The following ARHGEF38 variants were observed in gnomAD, a reference collection of about 807,000 sequenced individuals.
ARHGEF38 encodes the protein Rho guanine nucleotide exchange factor (GEF) 38.
In ARHGEF38, 79 loss-of-function variants were observed where a neutral mutation model predicts 79.9. The observed-to-expected ratio is 0.99, with a 90% CI of 0.82 to 1.19. ARHGEF38 has a LOEUF of 1.19. Among genes scored for constraint, ARHGEF38 ranks in the 50% most tolerant of loss-of-function variants. The pLI, the probability that ARHGEF38 is intolerant of heterozygous loss-of-function variation, is 0.00. For missense variants in ARHGEF38, 962 were observed against 907.2 expected, an observed-to-expected ratio of 1.06 and a Z score of -0.78; for synonymous variants, 366 against 328.3, an observed-to-expected ratio of 1.11 and a Z score of -1.24.
chr4:105,609,756 G>A (rs551898185), intron 2 of ARHGEF38, among the ~76,000 whole-genome samples: 2 of 152,140 alleles, frequency 1.3e-5, no homozygotes, highest in East Asian at 1.9e-4. Flanking sequence ...TATATCTTGC[G>A]ATAAGTACTT....
At chr4:105,648,379 TG>T (rs1729944628) in intron 6 of ARHGEF38, among the ~76,000 whole-genome samples, 169 bp from the exon 7 acceptor site, 1 of 152,032 alleles carries the variant, frequency 6.6e-6, no homozygotes, top group Non-Finnish European at 1.5e-5. Context: ...GGTGCCTGAC[TG>T]GGACATGGGT....
intron 9 of ARHGEF38, among the ~76,000 whole-genome samples, chr4:105,656,034 T>C (rs950522447): frequency 1.3e-5 from 2 of 152,218 alleles, no homozygotes; most frequent in Non-Finnish European, 2.9e-5. Flanking sequence ...ATTATTAAGT[T>C]AGAAAGCTTT....
At chr4:105,571,610 A>G (rs1482438461) in intron 1 of ARHGEF38, among the ~76,000 whole-genome samples, 1 of 152,180 alleles carries the variant, frequency 6.6e-6, no homozygotes, top group Non-Finnish European at 1.5e-5. Flanking sequence ...GGCGTGAGCC[A>G]CCGCGCCCTG....
In ARHGEF38 at chr4:105,678,931, A is replaced by T. The variant is rs886828887; in HGVS notation, c.*994A>T. ...TGAAATACTTTTTTAAAAAAATACG[A>T]TCAACTTCTTTGCAAATAGTAGACA... On this transcript the variant is annotated 3_prime_UTR_variant, in exon 14 of 14. Transcript: ENST00000420470. The T allele has an allele frequency of 1.1e-5, 2 of 176,970 alleles. No homozygotes were observed. The highest frequency in any genetic ancestry group is 4.8e-5 in the African/African-American group (2 of 41,650). 11.0% of individuals were successfully genotyped at this position (176,970 alleles called of 1,614,324 possible). A position where few individuals can be genotyped will look rare whatever the true frequency, so the allele number is the denominator to read the frequency against.
At chr4:105,564,679 C>T (rs6533212) in intron 1 of ARHGEF38, among the ~76,000 whole-genome samples, 130,461 of 152,258 alleles carry the variant, frequency 0.86, 55,957 homozygotes, top group South Asian at 0.92. Flanking sequence ...AAAAGTTTGG[C>T]GGCCCTTGGT....
Position 105,583,774 on chromosome 4 carries a change from A to G in ARHGEF38, c.197-5474A>G, listed in dbSNP as rs949103621. Among the ~76,000 whole-genome samples the G allele has an allele frequency of 2.0e-5, 3 of 152,116 alleles. No individual in the cohort carries two copies. In the East Asian group the frequency reaches 5.8e-4, roughly 29 times the overall value. ...GATTTTGGGCTCATAGTAAGCCCTT[A>G]CTATTTATTTGTTAAGCATTCAATA... On this transcript the variant is annotated intron_variant, in intron 1 of 13. Coordinates refer to ENST00000420470, the MANE Select transcript of ARHGEF38 (RefSeq NM_001242729.2).
intron 13 of ARHGEF38, 56 bp from the exon 14 acceptor site, chr4:105,677,696 G>C: frequency 7.5e-7 from 1 of 1,339,914 alleles, no homozygotes; most frequent in Non-Finnish European, 9.7e-7. Context: ...CTTTTATGAT[G>C]TTTCTCTTAA....
At chr4:105,570,626 TG>T (rs1270237959) in intron 1 of ARHGEF38, among the ~76,000 whole-genome samples, 1 of 152,202 alleles carries the variant, frequency 6.6e-6, no homozygotes, top group Non-Finnish European at 1.5e-5. Flanking sequence ...GAGAATTCAC[TG>T]TCCAAAAACA....
At position 105,631,317 on chromosome 4, in the gene ARHGEF38, G is replaced by A. The variant is rs1729183833; in HGVS notation, c.656+272G>A. On this transcript the variant is annotated intron_variant, in intron 4 of 13. Coordinates refer to ENST00000420470, the MANE Select transcript of ARHGEF38 (RefSeq NM_001242729.2). ...CAATATCAAAATATAAAATGTGGAA[G>A]AAAAGCCTCTTCTTAAAGCTATTGT... 6 of 1,077,034 alleles carry A rather than the reference G, an allele frequency of 5.6e-6. No individual in the cohort carries two copies. The Admixed American group carries it at 1.5e-4, about 27-fold the overall frequency. The allele number at this position is 1,077,034 out of a possible 1,614,324, so 66.7% of individuals were successfully genotyped here.
At chr4:105,624,877 G>C (rs1728879306) in intron 3 of ARHGEF38, among the ~76,000 whole-genome samples, 1 of 152,190 alleles carries the variant, frequency 6.6e-6, no homozygotes, top group Non-Finnish European at 1.5e-5. Context: ...CTTTCGCTCA[G>C]CTGTGTGTGT....
intron 1 of ARHGEF38, among the ~76,000 whole-genome samples, chr4:105,565,718 A>G (rs1047596212): frequency 1.3e-5 from 2 of 152,088 alleles, no homozygotes; most frequent in East Asian, 1.9e-4. Flanking sequence ...CTTTTTTTAT[A>G]TAATGAGATA....
At chr4:105,601,331 C>T (rs940657379) in intron 2 of ARHGEF38, among the ~76,000 whole-genome samples, 8 of 152,118 alleles carry the variant, frequency 5.3e-5, no homozygotes, top group Non-Finnish European at 1.0e-4. Context: ...ACTTCATGTC[C>T]GTCAAGACTT....
rs557778953 is a variant in ARHGEF38, at chr4:105,590,926, A to G, written c.384+1491A>G. Among the ~76,000 whole-genome samples, 25 of 152,086 alleles carry G rather than the reference A, an allele frequency of 1.6e-4. No individual in the cohort carries two copies. In the South Asian group the frequency reaches 5.2e-3, roughly 32 times the overall value. On this transcript the variant is annotated intron_variant, in intron 2 of 13. Coordinates refer to ENST00000420470, the MANE Select transcript of ARHGEF38 (RefSeq NM_001242729.2). Reference sequence around the variant, plus strand: ...ATGTTTTTTGCTGTTTTAAAAAATGATGGTTTAATATTTTTCTTATTATTT... The same window carrying G: ...ATGTTTTTTGCTGTTTTAAAAAATGGTGGTTTAATATTTTTCTTATTATTT...
chr4:105,641,480 T>C (rs369283314), intron 5 of ARHGEF38, among the ~76,000 whole-genome samples: 2 of 152,136 alleles, frequency 1.3e-5, no homozygotes, highest in East Asian at 3.8e-4. Flanking sequence ...TGCTGTTTAT[T>C]TGTGTAACAA....
chr4:105,572,382 G>A (rs905321242), intron 1 of ARHGEF38, among the ~76,000 whole-genome samples: 3 of 151,896 alleles, frequency 2.0e-5, no homozygotes, highest in African/African-American at 7.3e-5. Flanking sequence ...TTCATTTGTG[G>A]TAAAATGCAC....
At position 105,667,217 on chromosome 4, in the gene ARHGEF38, G is replaced by A; in HGVS notation, c.1778G>A (p.Cys593Tyr). 3 of 1,536,156 alleles carry A rather than the reference G, an allele frequency of 2.0e-6. No individual in the cohort carries two copies. The highest frequency in any genetic ancestry group is 2.6e-6 in the Non-Finnish European group (3 of 1,146,920). ...GAACTCTATCAAGCTAAGCGCAAGT[G>A]CAATGCTACACAAGAATATGACATC... ...AEELYQAKRK[C>Y]NATQEYDINL... The change falls in exon 12 of 14, where the codon TGC becomes TAC. Residue 593 changes from cysteine (C) to tyrosine (Y), a missense_variant. Coordinates refer to ENST00000420470, the MANE Select transcript of ARHGEF38 (RefSeq NM_001242729.2).
At position 105,648,615 on chromosome 4, in the gene ARHGEF38, A is replaced by T; in HGVS notation, c.941A>T (p.His314Leu). 1 of 1,533,362 alleles carries T rather than the reference A, an allele frequency of 6.5e-7. No individual in the cohort carries two copies. Among genetic ancestry groups the T allele is most frequent in the South Asian group, 1.2e-5 (1 of 83,512 alleles). 95.0% of individuals were successfully genotyped at this position (1,533,362 alleles called of 1,614,324 possible). Residue 314 changes from histidine (H) to leucine (L), a missense_variant, in exon 7 of 14, where the codon CAT becomes CTT. Transcript: ENST00000420470. ...GACAAATTGTCTAAACTAAATATTCATTCAATTAGCAAGAAATCAAAAAGA... is the reference window on the plus strand; with the variant it reads ...GACAAATTGTCTAAACTAAATATTCTTTCAATTAGCAAGAAATCAAAAAGA... ...LKDKLSKLNI[H>L]SISKKSKRVT...
At chr4:105,571,372 G>A (rs1288087505) in intron 1 of ARHGEF38, among the ~76,000 whole-genome samples, 1 of 137,650 alleles carries the variant, frequency 7.3e-6, no homozygotes, top group African/African-American at 2.7e-5. Context: ...ACCCAGGCTG[G>A]AGTGCAATGG....
At chr4:105,603,192 A>G (rs1727898312) in intron 2 of ARHGEF38, among the ~76,000 whole-genome samples, 1 of 152,194 alleles carries the variant, frequency 6.6e-6, no homozygotes, top group Non-Finnish European at 1.5e-5. Context: ...GCCAAGCATT[A>G]TTCTAAACAA....
Sources: allele counts gnomAD v4.1 joint callset (sites outside exome capture counted in the v4.1 genomes callset), GRCh38; gene constraint gnomAD v4.1.1; transcripts MANE v1.5; gene names NCBI Gene and HGNC (gene_info 2026-07-23, HGNC 2026-07-21).